NLRC5: variants seen among roughly 807,000 people sequenced by gnomAD.
NLRC5 encodes protein NLRC5.
NLRC5 carries 114 observed loss-of-function variants against 206.9 expected under a neutral mutation model. That is an observed-to-expected ratio of 0.55 (90% confidence interval 0.47 to 0.64). NLRC5 has a LOEUF of 0.64. Ranked by LOEUF, NLRC5 falls within the 30% of genes least tolerant of loss-of-function variation. NLRC5 has a pLI of 0.00. For synonymous variants in NLRC5, 952 were observed against 962.8 expected, an observed-to-expected ratio of 0.99 and a Z score of 0.21; for missense variants, 2,008 against 2,305.5, an observed-to-expected ratio of 0.87 and a Z score of 2.64.
At chr16:56,994,546 G>A (rs537172034) in intron 1 of NLRC5, among the ~76,000 whole-genome samples, 1 of 152,314 alleles carries the variant, frequency 6.6e-6, no homozygotes, top group East Asian at 1.9e-4. Context: ...TGTCATATGA[G>A]GTCAGGTGGA....
intron 32 of NLRC5, among the ~76,000 whole-genome samples, chr16:57,063,234 T>C (rs967086234): frequency 6.8e-6 from 1 of 147,808 alleles, no homozygotes; most frequent in Admixed American, 6.9e-5. Context: ...TGCCTCAGCC[T>C]CCGGAGTAGC....
At chr16:57,076,410 C>A (rs1159705075) in intron 39 of NLRC5, among the ~76,000 whole-genome samples, 1 of 152,206 alleles carries the variant, frequency 6.6e-6, no homozygotes, top group Non-Finnish European at 1.5e-5. Context: ...AACACATATG[C>A]CCCTGAGAAC....
chr16:57,010,704 A>T (rs1662154828), intron 1 of NLRC5, among the ~76,000 whole-genome samples: 1 of 152,052 alleles, frequency 6.6e-6, no homozygotes. Context: ...TCCTCCATCC[A>T]TCATACTTAG....
At chr16:57,067,948 A>G (rs1717936444) in intron 36 of NLRC5, 120 bp downstream of exon 36, 1 of 769,878 alleles carries the variant, frequency 1.3e-6, no homozygotes, top group Non-Finnish European at 2.2e-6. Flanking sequence ...TGTGGACACA[A>G]ACCACAGGTG....
At chr16:57,059,134 G>T in intron 29 of NLRC5, 73 bp downstream of exon 29, 1 of 1,611,044 alleles carries the variant, frequency 6.2e-7, no homozygotes, top group Non-Finnish European at 8.5e-7. Flanking sequence ...GATGGGAGAA[G>T]CAAGGCACCC....
At chr16:57,002,908 G>C (rs567807444) in intron 1 of NLRC5, among the ~76,000 whole-genome samples, 1 of 152,142 alleles carries the variant, frequency 6.6e-6, no homozygotes, top group African/African-American at 2.4e-5. Context: ...CTCCCAAAGT[G>C]CTGGGATTAT....
chr16:57,078,466 G>GTTTTTTTTTTTT lies in NLRC5; in HGVS notation c.5081+459_5081+470dup, dbSNP rs71383218. Among the ~76,000 whole-genome samples, 22 of 92,208 alleles carry GTTTTTTTTTTTT rather than the reference G, an allele frequency of 2.4e-4. 1 individual carries two copies. Among genetic ancestry groups the GTTTTTTTTTTTT allele is most frequent in the African/African-American group, 1.1e-3 (22 of 20,062 alleles). 60.5% of individuals were successfully genotyped at this position (92,208 alleles called of 152,430 possible). A position where few individuals can be genotyped will look rare whatever the true frequency, so the allele number is the denominator to read the frequency against. ...CAGAGTCCCAGAGTGCTGGGACCTTGTTTTTTTTTTTTTTTTTTTTTTTTA... is the reference window on the plus strand; with the variant it reads ...CAGAGTCCCAGAGTGCTGGGACCTTGTTTTTTTTTTTTTTTTTTTTTTTTTTTTTTTTTTTTA... On this transcript the variant is annotated intron_variant, in intron 43 of 48. Coordinates refer to ENST00000688547, the MANE Select transcript of NLRC5 (RefSeq NM_001384950.1).
chr16:57,032,987 A>T (rs2062055976), intron 11 of NLRC5, among the ~76,000 whole-genome samples: 1 of 151,402 alleles, frequency 6.6e-6, no homozygotes, highest in African/African-American at 2.4e-5. Flanking sequence ...ACTGAGTGGG[A>T]CCCTGTCTCT....
At chr16:57,051,660 C>T in intron 24 of NLRC5, 39 bp downstream of exon 24, 1 of 1,536,068 alleles carries the variant, frequency 6.5e-7, no homozygotes. Context: ...GTTCCTTGTG[C>T]TCGTGTTTCT....
chr16:56,993,098 T>A (rs1051540346), intron 1 of NLRC5, among the ~76,000 whole-genome samples: 1 of 150,926 alleles, frequency 6.6e-6, no homozygotes. Context: ...GATATATACA[T>A]ATATATATAC....
chr16:57,055,385 A>C, intron 26 of NLRC5, 48 bp from the exon 27 acceptor site: 1 of 1,567,570 alleles, frequency 6.4e-7, no homozygotes, highest in Non-Finnish European at 8.8e-7. Context: ...AGGGGGTCTC[A>C]GTGGCCAAAC....
intron 5 of NLRC5, 139 bp from the exon 6 acceptor site, chr16:57,025,229 C>T (rs1204730894): frequency 7.1e-7 from 1 of 1,407,378 alleles, no homozygotes; most frequent in Non-Finnish European, 9.3e-7. Context: ...CCCTATGGTG[C>T]TCTTGACACC....
chr16:57,077,847 T>C lies in NLRC5; in HGVS notation c.5003+45T>C. The C allele has an allele frequency of 5.0e-6, 8 of 1,589,600 alleles. 1 individual carries two copies. The highest frequency in any genetic ancestry group is 6.0e-6 in the Non-Finnish European group (7 of 1,164,594). On this transcript the variant is annotated intron_variant, in intron 42 of 48. Transcript: ENST00000688547. Reference sequence around the variant, plus strand: ...GCCTCTGCCCTCTGTGCCCCCCAGGTCCACCTGGCCTCCTCTCCCGCAGTG... The same window carrying C: ...GCCTCTGCCCTCTGTGCCCCCCAGGCCCACCTGGCCTCCTCTCCCGCAGTG...
chr16:57,059,878 C>T (rs1406486744), intron 30 of NLRC5, among the ~76,000 whole-genome samples: 1 of 152,098 alleles, frequency 6.6e-6, no homozygotes, highest in Non-Finnish European at 1.5e-5. Context: ...CTGCCACTTA[C>T]CAGCTATGTG....
At chr16:57,022,228 C>A (rs1567542807) in intron 3 of NLRC5, 28 bp from the exon 4 acceptor site, 1 of 1,593,734 alleles carries the variant, frequency 6.3e-7, no homozygotes, top group East Asian at 2.3e-5. Context: ...CAGCCCCATA[C>A]CACATTATAC....
intron 36 of NLRC5, among the ~76,000 whole-genome samples, chr16:57,069,050 A>G (rs1435087970): frequency 6.6e-6 from 1 of 152,216 alleles, no homozygotes; most frequent in Non-Finnish European, 1.5e-5. Flanking sequence ...TAGTGATGTT[A>G]ACTGTGATCA....
chr16:57,023,410 G>A (rs1330039739), intron 4 of NLRC5, among the ~76,000 whole-genome samples: 2 of 152,000 alleles, frequency 1.3e-5, no homozygotes, highest in Non-Finnish European at 2.9e-5. Flanking sequence ...AACTCACTGG[G>A]AACTTCACTT....
chr16:57,079,673 G>T (rs2068882998), intron 46 of NLRC5, 44 bp downstream of exon 46: 5 of 1,549,590 alleles, frequency 3.2e-6, no homozygotes, highest in Non-Finnish European at 4.5e-6. Context: ...AAAAGGAAAA[G>T]TCGGGAGGGG....
rs746592436 is a variant in NLRC5 at position 57,025,811 on chromosome 16, A to G, written c.868A>G (p.Thr290Ala). The change falls in exon 6 of 49, where the codon ACT (threonine) becomes GCT (alanine). Residue 290 changes from threonine (T) to alanine (A), a missense_variant. Transcript: ENST00000688547. ...CCTGAGCCCTGAATCGGACCACGAC[A>G]CTGTCTTCCAGTACCTGGAGAAGAA... Reference protein sequence around the residue: ...LYLSPESDHDTVFQYLEKNAD... With the variant: ...LYLSPESDHDAVFQYLEKNAD... 2.3e-5 allele frequency: 37 copies of G among 1,614,078 alleles called. No homozygotes were observed. In the South Asian group the frequency reaches 3.8e-4, roughly 17 times the overall value.
Sources: allele counts gnomAD v4.1 joint callset (sites outside exome capture counted in the v4.1 genomes callset), GRCh38; gene constraint gnomAD v4.1.1; transcripts MANE v1.5; gene names NCBI Gene and HGNC (gene_info 2026-07-23, HGNC 2026-07-21).